MED23: variants seen among roughly 807,000 people sequenced by gnomAD.
The protein encoded by MED23 is mediator complex subunit 23.
In MED23, 105 loss-of-function variants were observed where a neutral mutation model predicts 163.9. That is an observed-to-expected ratio of 0.64 (90% CI 0.55 to 0.75). The LOEUF (loss-of-function observed/expected upper bound fraction) is 0.75, where lower values mean the gene tolerates loss of function less well. MED23 is among the 30% of genes least tolerant of loss of function. The pLI is 0.00. For synonymous variants in MED23, 561 were observed against 565.6 expected, an observed-to-expected ratio of 0.99 and a Z score of 0.12; for missense variants, 1,054 against 1,649.0, an observed-to-expected ratio of 0.64 and a Z score of 6.25.
Position 131,587,425 on chromosome 6 carries a change from T to C in MED23, c.*254A>G, listed in dbSNP as rs1443958367. On this transcript the variant is annotated 3_prime_UTR_variant, in exon 29 of 29. Transcript: ENST00000368068. ...TTGATCACAGATACCTCTATGTTCC[T>C]ACATAGCTCTAATAAGTTGTTATGA... 2 of 1,311,376 alleles carry C rather than the reference T, an allele frequency of 1.5e-6. No individual in the cohort carries two copies. The highest frequency in any genetic ancestry group is 1.6e-5 in the South Asian group (1 of 60,950). The allele number at this position is 1,311,376 out of a possible 1,614,324, so 81.2% of individuals were successfully genotyped here. A position where few individuals can be genotyped will look rare whatever the true frequency, so the allele number is the denominator to read the frequency against.
At chr6:131,617,392 GA>G (rs1776770756) in intron 9 of MED23, among the ~76,000 whole-genome samples, 1 of 148,266 alleles carries the variant, frequency 6.7e-6, no homozygotes, top group Admixed American at 6.7e-5. Context: ...CGATTTTTAA[GA>G]TAATCTTTAA....
intron 27 of MED23, 151 bp from the exon 28 acceptor site, chr6:131,589,747 G>C (rs1041109333): frequency 1.4e-6 from 1 of 733,236 alleles, no homozygotes; most frequent in Admixed American, 2.1e-5. Context: ...ATGCACATGA[G>C]ATATGATATG....
In MED23 at chr6:131,587,590, C is replaced by T; in HGVS notation, c.*89G>A. On this transcript the variant is annotated 3_prime_UTR_variant, in exon 29 of 29. Transcript: ENST00000368068. ...TATCATCACTGCTTCTACTATATCA[C>T]TACAGTGTGATCGCATTCAGATTTA... 1 of 1,596,112 alleles carries T rather than the reference C, an allele frequency of 6.3e-7. No individual in the cohort carries two copies. Among genetic ancestry groups the T allele is most frequent in the East Asian group, 2.3e-5 (1 of 44,418 alleles).
intron 11 of MED23, among the ~76,000 whole-genome samples, chr6:131,609,706 T>C (rs1776131662): frequency 6.8e-6 from 1 of 147,326 alleles, no homozygotes; most frequent in South Asian, 2.1e-4. Context: ...TACATATATA[T>C]ATGTACTCTA....
chr6:131,583,156 A>T (rs1159865595), downstream of MED23: 4 of 1,613,464 alleles, frequency 2.5e-6, no homozygotes, highest in South Asian at 4.4e-5. Context: ...TCAGCTATCT[A>T]CTAGGAAGGT....
At chr6:131,602,881 A>T in intron 16 of MED23, 149 bp downstream of exon 16, 1 of 810,058 alleles carries the variant, frequency 1.2e-6, no homozygotes, top group Non-Finnish European at 1.9e-6. Flanking sequence ...CCTATACTGG[A>T]AACAAAATAC....
Position 131,598,523 on chromosome 6 carries a change from C to T in MED23, c.2426+33G>A. On this transcript the variant is annotated intron_variant, in intron 19 of 28. Coordinates refer to ENST00000368068, the MANE Select transcript of MED23 (RefSeq NM_004830.4). The surrounding 1 kb of genome is among the most constrained non-coding windows in gnomAD (Gnocchi z 4.7). ...ATTGTTGTATGGATACAACAATTTGCCAAATGGAATGCAAATTAGGTTTTT... is the reference window on the plus strand; with the variant it reads ...ATTGTTGTATGGATACAACAATTTGTCAAATGGAATGCAAATTAGGTTTTT... 2 of 1,613,566 alleles carry T rather than the reference C, an allele frequency of 1.2e-6. No homozygotes were observed. The highest frequency in any genetic ancestry group is 1.7e-6 in the Non-Finnish European group (2 of 1,179,642).
chr6:131,609,617 T>C (rs1484381721), intron 11 of MED23, among the ~76,000 whole-genome samples: 1 of 149,002 alleles, frequency 6.7e-6, no homozygotes, highest in Admixed American at 6.7e-5. Context: ...TACCTTTTAT[T>C]TGTATTGCAG....
intron 27 of MED23, 151 bp from the exon 28 acceptor site, chr6:131,589,747 G>A (rs1041109333): frequency 2.7e-6 from 2 of 733,118 alleles, no homozygotes; most frequent in Non-Finnish European, 4.8e-6. Flanking sequence ...ATGCACATGA[G>A]ATATGATATG....
intron 26 of MED23, 97 bp downstream of exon 26, chr6:131,591,216 G>C: frequency 2.2e-6 from 2 of 889,446 alleles, no homozygotes; most frequent in Non-Finnish European, 3.7e-6. Context: ...CTGACCTTGT[G>C]ATCTGCCCAC....
chr6:131,623,582 A>G (rs1450666504), intron 4 of MED23, 120 bp from the exon 5 acceptor site: 2 of 789,814 alleles, frequency 2.5e-6, no homozygotes, highest in East Asian at 2.6e-5. Flanking sequence ...TAGTTCCCAT[A>G]ATCCCCACGT....
At chr6:131,583,019 C>A (rs1774014379), downstream of MED23, 1 of 1,433,244 alleles carries the variant, frequency 7.0e-7, no homozygotes, top group South Asian at 1.2e-5. Context: ...CGGGCACAGT[C>A]AGCCTTATTA....
chr6:131,623,208 A>G, intron 5 of MED23, 143 bp downstream of exon 5: 1 of 747,160 alleles, frequency 1.3e-6, no homozygotes, highest in South Asian at 1.6e-5. Context: ...GTAACTTTAA[A>G]TCTTTTCAGG....
chr6:131,600,274 T>C, intron 17 of MED23, 112 bp from the exon 18 acceptor site: 2 of 1,052,642 alleles, frequency 1.9e-6, no homozygotes, highest in Non-Finnish European at 2.8e-6. Context: ...CTGCAGTGCA[T>C]TCACTGCTTA....
At chr6:131,576,357 G>A (rs1449696278) in intron 30 of MED23, among the ~76,000 whole-genome samples, 1 of 152,186 alleles carries the variant, frequency 6.6e-6, no homozygotes, top group Non-Finnish European at 1.5e-5. Flanking sequence ...ATGGTTTGAC[G>A]GGAAGAGGGG....
At chr6:131,601,343 C>T (rs1050832898) in intron 17 of MED23, among the ~76,000 whole-genome samples, 3 of 152,066 alleles carry the variant, frequency 2.0e-5, no homozygotes, top group Admixed American at 6.6e-5. Flanking sequence ...AAAATGTCAA[C>T]GTTTGCTAGA....
chr6:131,627,686 A>T lies in MED23; in HGVS notation c.40-14T>A, dbSNP rs368961576. ...AACTTCCGTTTTCTGTAAAAAAAAAAAAAACAAAATGTAAACAATGTTAAT... is the reference window on the plus strand; with the variant it reads ...AACTTCCGTTTTCTGTAAAAAAAAATAAAACAAAATGTAAACAATGTTAAT... On this transcript the variant is annotated splice_polypyrimidine_tract_variant and intron_variant, in intron 1 of 28. Transcript: ENST00000368068. The T allele has an allele frequency of 6.2e-7, 1 of 1,602,744 alleles. No homozygotes were observed. Among genetic ancestry groups the T allele is most frequent in the Non-Finnish European group, 8.5e-7 (1 of 1,175,962 alleles).
At chr6:131,576,784 A>T in intron 30 of MED23, 1 of 1,523,620 alleles carries the variant, frequency 6.6e-7, no homozygotes, top group Non-Finnish European at 9.1e-7. Flanking sequence ...CCCCACTCTG[A>T]AGGAAAGAGC....
chr6:131,606,952 TC>T (rs1305107761), intron 12 of MED23, among the ~76,000 whole-genome samples: 1 of 152,048 alleles, frequency 6.6e-6, no homozygotes, highest in African/African-American at 2.4e-5. Context: ...AAACACATCA[TC>T]ATGAAATCTT....
Sources: gnomAD v4.1 joint callset for allele counts (sites outside exome capture counted in the v4.1 genomes callset) on GRCh38, gnomAD v4.1.1 for gene constraint, Gnocchi (gnomAD v3.1) non-coding constraint, MANE v1.5 for transcripts, NCBI Gene and HGNC (gene_info 2026-07-23, HGNC 2026-07-21) for gene names.